Variants in PKIB observed in about 807,000 individuals in gnomAD.
The protein encoded by PKIB is cAMP-dependent protein kinase inhibitor beta.
PKIB carries 2 observed loss-of-function variants against 4.5 expected under a neutral mutation model. The observed-to-expected ratio is 0.44, with a 90% CI of 0.18 to 1.39. The LOEUF (loss-of-function observed/expected upper bound fraction) is 1.39, where lower values mean the gene tolerates loss of function less well. Among genes scored for constraint, PKIB ranks in the 40% most tolerant of loss-of-function variants. The pLI is 0.27. For missense variants in PKIB, 94 were observed against 92.6 expected, an observed-to-expected ratio of 1.02 and a Z score of -0.06; for synonymous variants, 38 against 36.0, an observed-to-expected ratio of 1.06 and a Z score of -0.20.
chr6:122,640,145 T>C (rs1013316849), intron 2 of PKIB, among the ~76,000 whole-genome samples: 1 of 152,168 alleles, frequency 6.6e-6, no homozygotes, highest in Non-Finnish European at 1.5e-5. Context: ...GGTTGCTATA[T>C]AGTGGACACT....
At chr6:122,658,520 A>G (rs141116614) in intron 2 of PKIB, among the ~76,000 whole-genome samples, 11 of 152,222 alleles carry the variant, frequency 7.2e-5, no homozygotes, top group Admixed American at 1.3e-4. Flanking sequence ...GCCTTCATTC[A>G]TTTATACTCT....
At chr6:122,712,614 A>G (rs1779318477) in intron 3 of PKIB, among the ~76,000 whole-genome samples, 1 of 152,122 alleles carries the variant, frequency 6.6e-6, no homozygotes, top group Non-Finnish European at 1.5e-5. Context: ...GCATGTTTTT[A>G]CTTCTTTGTT....
chr6:122,696,853 C>G (rs1252253265), intron 3 of PKIB, among the ~76,000 whole-genome samples: 2 of 152,282 alleles, frequency 1.3e-5, no homozygotes, highest in Non-Finnish European at 2.9e-5. Flanking sequence ...GAACCTGATG[C>G]CTTTTCTCCA....
In PKIB at chr6:122,646,684, T is replaced by C. The variant is rs182937824; in HGVS notation, c.-76+13317T>C. 5.6e-3 allele frequency among the ~76,000 whole-genome samples: 860 copies of C among 152,332 alleles called. 9 individuals carry two copies. Among genetic ancestry groups the C allele is most frequent in the African/African-American group, 0.018 (753 of 41,586 alleles). ...AACCTTGTCTAGAGAAACAATGCAT[T>C]CATTTATTAAATAGAAGTTAATTTA... On this transcript the variant is annotated intron_variant, in intron 2 of 4. Coordinates refer to ENST00000368452, the MANE Select transcript of PKIB (RefSeq NM_181795.3).
intron 1 of PKIB, among the ~76,000 whole-genome samples, chr6:122,473,338 G>A (rs1175818477): frequency 3.9e-5 from 6 of 152,050 alleles, no homozygotes; most frequent in Middle Eastern, 3.2e-3. Flanking sequence ...ATTTAAATTT[G>A]CACAGATTCT....
At chr6:122,577,882 C>T (rs185704059) in intron 2 of PKIB, among the ~76,000 whole-genome samples, 2 of 148,000 alleles carry the variant, frequency 1.4e-5, no homozygotes, top group African/African-American at 5.0e-5. Flanking sequence ...GCACTCCAGT[C>T]TGGGCGACAG....
chr6:122,533,441 G>A (rs1046811304), intron 2 of PKIB, among the ~76,000 whole-genome samples: 17 of 152,088 alleles, frequency 1.1e-4, no homozygotes, highest in Non-Finnish European at 1.5e-5. Context: ...GACCACTGTG[G>A]CCAGCCCTTA....
chr6:122,564,469 G>A (rs1773123794), intron 2 of PKIB, among the ~76,000 whole-genome samples: 1 of 152,130 alleles, frequency 6.6e-6, no homozygotes, highest in Admixed American at 6.5e-5. Context: ...CTTAAAGGTA[G>A]CTTCTCATGC....
At chr6:122,564,532 A>G (rs184890148) in intron 2 of PKIB, among the ~76,000 whole-genome samples, 89 of 152,320 alleles carry the variant, frequency 5.8e-4, no homozygotes, top group African/African-American at 2.1e-3. Context: ...ACAATATAAC[A>G]TAATAGATAA....
intron 2 of PKIB, among the ~76,000 whole-genome samples, chr6:122,577,918 A>G (rs1160515370): frequency 1.3e-5 from 2 of 151,782 alleles, no homozygotes; most frequent in Admixed American, 1.3e-4. Flanking sequence ...CAAAAAAAAA[A>G]AAAAGAAAAG....
At chr6:122,654,035 C>T (rs569191823) in intron 2 of PKIB, among the ~76,000 whole-genome samples, 1 of 152,178 alleles carries the variant, frequency 6.6e-6, no homozygotes, top group African/African-American at 2.4e-5. Context: ...TGCCTTTCCC[C>T]GTCTCCAATT....
chr6:122,490,889 A>G (rs1167779972), intron 2 of PKIB, among the ~76,000 whole-genome samples: 1 of 152,172 alleles, frequency 6.6e-6, no homozygotes, highest in Non-Finnish European at 1.5e-5. Context: ...CTAGAACTAG[A>G]ATGACCCTTT....
At chr6:122,549,261 A>G (rs1772595554) in intron 2 of PKIB, among the ~76,000 whole-genome samples, 2 of 152,206 alleles carry the variant, frequency 1.3e-5, no homozygotes, top group Non-Finnish European at 2.9e-5. Flanking sequence ...TAAAAAAAGC[A>G]TCTACTACTA....
intron 2 of PKIB, among the ~76,000 whole-genome samples, chr6:122,652,322 GTGTGTGTGTGT>G (rs1214094803): frequency 1.6e-5 from 2 of 121,782 alleles, no homozygotes; most frequent in Non-Finnish European, 3.4e-5. Flanking sequence ...GTGTGTGTGT[GTGTGTGTGTGT>G]GGAGAGAGAG....
At chr6:122,567,838 C>A (rs1773239013) in intron 2 of PKIB, among the ~76,000 whole-genome samples, 1 of 152,014 alleles carries the variant, frequency 6.6e-6, no homozygotes, top group African/African-American at 2.4e-5. Context: ...ATTACAATAA[C>A]CTCTAGAGAG....
intron 2 of PKIB, among the ~76,000 whole-genome samples, chr6:122,562,276 G>T (rs980837257): frequency 6.6e-6 from 1 of 152,082 alleles, no homozygotes; most frequent in Non-Finnish European, 1.5e-5. Context: ...GGAGGCTGAA[G>T]ATAGGGCCCC....
intron 3 of PKIB, among the ~76,000 whole-genome samples, chr6:122,681,198 A>G (rs527330362): frequency 8.5e-4 from 129 of 152,148 alleles, no homozygotes; most frequent in Middle Eastern, 3.4e-3. Flanking sequence ...GGAATTATAT[A>G]TGGATTTGTG....
At chr6:122,693,672 G>A (rs1250900657) in intron 3 of PKIB, among the ~76,000 whole-genome samples, 1 of 152,202 alleles carries the variant, frequency 6.6e-6, no homozygotes, top group Non-Finnish European at 1.5e-5. Flanking sequence ...GGACTACACA[G>A]TGTCAGATCA....
In PKIB at chr6:122,725,141, A is replaced by C; in HGVS notation, c.183A>C (p.Lys61Asn). ...ALSVKEDAKEKDEKTTQDQLE... is the reference protein window; with the variant it reads ...ALSVKEDAKENDEKTTQDQLE... ...TTTTTTTTTCAGATGCAAAAGAGAA[A>C]GATGAAAAAACAACACAAGACCAAT... Residue 61 changes from lysine (K) to asparagine (N), a missense_variant, in exon 5 of 5, where the codon AAA becomes AAC. Coordinates refer to ENST00000368452, the MANE Select transcript of PKIB (RefSeq NM_181795.3). The C allele has an allele frequency of 6.2e-7, 1 of 1,609,932 alleles. No homozygotes were observed. The highest frequency in any genetic ancestry group is 8.5e-7 in the Non-Finnish European group (1 of 1,178,526).
Sources: gnomAD v4.1 joint callset for allele counts (sites outside exome capture counted in the v4.1 genomes callset) on GRCh38, gnomAD v4.1.1 for gene constraint, MANE v1.5 for transcripts, NCBI Gene and HGNC (gene_info 2026-07-23, HGNC 2026-07-21) for gene names.